The following PLCG2 variants were observed in gnomAD, a reference collection of about 807,000 sequenced individuals.
PLCG2 encodes phospholipase C gamma 2, also known as 1-phosphatidylinositol 4,5-bisphosphate phosphodiesterase gamma-2.
A neutral mutation model predicts 175.6 loss-of-function variants in PLCG2; 69 were observed. The ratio of observed to expected loss-of-function variants is 0.39; its 90% CI spans 0.32 to 0.48. The LOEUF (loss-of-function observed/expected upper bound fraction) is 0.48, where lower values mean the gene tolerates loss of function less well. Ranked by LOEUF, PLCG2 falls within the 20% of genes least tolerant of loss-of-function variation. The pLI is 0.91. For synonymous variants in PLCG2, 827 were observed against 624.0 expected, an observed-to-expected ratio of 1.33 and a Z score of -4.85; for missense variants, 1,798 against 1,650.9, an observed-to-expected ratio of 1.09 and a Z score of -1.54.
At chr16:81,804,096 G>A (rs1456472865) in intron 2 of PLCG2, among the ~76,000 whole-genome samples, 4 of 152,190 alleles carry the variant, frequency 2.6e-5, no homozygotes, top group Non-Finnish European at 5.9e-5. Context: ...TAGGTTATCT[G>A]TAACTGTTTA....
chr16:81,959,365 C>A lies in PLCG2; in HGVS notation c.*1367C>A, dbSNP rs1459973180. 1 of 221,776 alleles carries A rather than the reference C, an allele frequency of 4.5e-6. No homozygotes were observed. The highest frequency in any genetic ancestry group is 1.8e-4 in the South Asian group (1 of 5,428). The allele number at this position is 221,776 out of a possible 1,614,324, so 13.7% of individuals were successfully genotyped here. ...AGGGCAGAACAAATCAGGCTCTGAC[C>A]AGAAGATCCTTCTGGTCCCTTCACT... On this transcript the variant is annotated 3_prime_UTR_variant, in exon 33 of 33. Coordinates refer to ENST00000564138, the MANE Select transcript of PLCG2 (RefSeq NM_002661.5).
intron 2 of PLCG2, among the ~76,000 whole-genome samples, chr16:81,768,552 GT>G (rs769292122): frequency 1.4e-4 from 15 of 105,414 alleles, no homozygotes; most frequent in African/African-American, 6.1e-4. Context: ...GTTATCCTCA[GT>G]TTTTTTTTTT....
rs553020419 is a variant in PLCG2, at chr16:81,773,585, T to C, written c.-47-12358T>C. 6.3e-4 allele frequency among the ~76,000 whole-genome samples: 96 copies of C among 152,298 alleles called. 1 individual carries two copies. The highest frequency in any genetic ancestry group is 2.0e-3 in the African/African-American group (82 of 41,568). ...TTCAACTGGCTGTCTTGATTTTACA[T>C]GAGGTTTGGGGCCTGGCAAATGCCT... On this transcript the variant is annotated intron_variant, in intron 2 of 5. Coordinates refer to the PLCG2 transcript ENST00000565054.
chr16:81,773,564 A>G (rs1379662363), intron 2 of PLCG2, among the ~76,000 whole-genome samples: 1 of 152,060 alleles, frequency 6.6e-6, no homozygotes, highest in Non-Finnish European at 1.5e-5. Context: ...TTGGCTTTCA[A>G]CTGGCTGTCT....
rs112374290 is a variant in PLCG2 at position 81,895,874 on chromosome 16, C to A, written c.1140C>A (p.Ile380=). 6.2e-7 allele frequency: 1 copy of A among 1,614,144 alleles called. No individual in the cohort carries two copies. Among genetic ancestry groups the A allele is most frequent in the Non-Finnish European group, 8.5e-7 (1 of 1,180,002 alleles). The part of the protein sequence containing the change: ...IYHGWTRTTK[I]KFDDVVQAIK... ...ATGGCTGGACGCGGACTACCAAGAT[C>A]AAGTTTGACGACGTCGTGCAGGCCA... The change falls in exon 13 of 33, where the codon ATC becomes ATA. Residue 380 remains isoleucine (I), a synonymous_variant. Transcript: ENST00000564138.
intron 2 of PLCG2, among the ~76,000 whole-genome samples, chr16:81,768,951 C>G (rs952003543): frequency 2.0e-5 from 3 of 152,132 alleles, no homozygotes; most frequent in African/African-American, 7.2e-5. Context: ...CAGCCTGGGA[C>G]TCCTGACAGA....
chr16:81,893,966 T>C (rs1387676100), intron 12 of PLCG2, among the ~76,000 whole-genome samples, 172 bp downstream of exon 12: 2 of 150,252 alleles, frequency 1.3e-5, no homozygotes, highest in African/African-American at 4.9e-5. Flanking sequence ...TCTTTCTTTT[T>C]TTTTTTTTTT....
At chr16:81,805,479 A>G (rs192094401) in intron 2 of PLCG2, among the ~76,000 whole-genome samples, 1 of 149,686 alleles carries the variant, frequency 6.7e-6, no homozygotes, top group Admixed American at 6.6e-5. Context: ...AGCCTGGGTA[A>G]CAGAGCGAGA....
chr16:81,951,863 GA>G (rs1003310034), intron 31 of PLCG2, among the ~76,000 whole-genome samples: 8 of 152,092 alleles, frequency 5.3e-5, no homozygotes, highest in African/African-American at 1.9e-4. Context: ...TATAATTTTA[GA>G]AAAAAGGTCG....
intron 2 of PLCG2, among the ~76,000 whole-genome samples, chr16:81,841,875 G>A (rs191611388): frequency 9.8e-5 from 15 of 152,334 alleles, no homozygotes; most frequent in Admixed American, 8.5e-4. Context: ...GTCCTTGGCT[G>A]AGATCAGTAA....
chr16:81,956,912 G>C, intron 32 of PLCG2, 33 bp downstream of exon 32: 2 of 1,589,430 alleles, frequency 1.3e-6, no homozygotes, highest in South Asian at 2.2e-5. Flanking sequence ...AAAAACTTTT[G>C]GGGGGTCTCT....
intron 14 of PLCG2, among the ~76,000 whole-genome samples, 177 bp downstream of exon 14, chr16:81,900,957 T>A (rs1909125254): frequency 6.6e-6 from 1 of 152,212 alleles, no homozygotes; most frequent in African/African-American, 2.4e-5. Flanking sequence ...CATTAACCTT[T>A]GGGAGCCTCT....
At chr16:81,747,115 T>C (rs1007268210) in intron 1 of PLCG2, among the ~76,000 whole-genome samples, 2 of 152,228 alleles carry the variant, frequency 1.3e-5, no homozygotes, top group Non-Finnish European at 2.9e-5. Context: ...GTTTATCCTC[T>C]ATAAAGAGTA....
At chr16:81,858,411 C>T (rs1291633157) in intron 4 of PLCG2, 55 bp downstream of exon 4, 3 of 1,258,762 alleles carry the variant, frequency 2.4e-6, no homozygotes, top group Admixed American at 1.7e-5. Flanking sequence ...TATTCTGCTG[C>T]CTTTAGCCAA....
intron 2 of PLCG2, among the ~76,000 whole-genome samples, chr16:81,819,274 G>C (rs1282626347): frequency 6.6e-6 from 1 of 152,176 alleles, no homozygotes; most frequent in Non-Finnish European, 1.5e-5. Context: ...GGCAGAGTCA[G>C]GACATCCTGG....
rs1911740854 is a variant in PLCG2, at chr16:81,960,433, T to C, written c.*2435T>C. ...CCACTGCATATGTATTACACTGTTT[T>C]TGTTCACCATTTTCCTAAGTGTGTT... On this transcript the variant is annotated 3_prime_UTR_variant, in exon 33 of 33. Coordinates refer to ENST00000564138, the MANE Select transcript of PLCG2 (RefSeq NM_002661.5). The C allele has an allele frequency of 4.4e-6, 1 of 227,218 alleles. No individual in the cohort carries two copies. Among genetic ancestry groups the C allele is most frequent in the African/African-American group, 2.2e-5 (1 of 45,124 alleles). 14.1% of individuals were successfully genotyped at this position (227,218 alleles called of 1,614,324 possible). A position where few individuals can be genotyped will look rare whatever the true frequency, so the allele number is the denominator to read the frequency against.
intron 31 of PLCG2, among the ~76,000 whole-genome samples, chr16:81,954,778 T>G (rs1392831624): frequency 6.6e-6 from 1 of 152,238 alleles, no homozygotes; most frequent in Non-Finnish European, 1.5e-5. Context: ...TTTGCTGTTG[T>G]ACATGGTGCT....
At position 81,931,491 on chromosome 16, in the gene PLCG2, C is replaced by G. The variant is rs1248824122; in HGVS notation, c.2582-6C>G. On this transcript the variant is annotated splice_polypyrimidine_tract_variant and splice_region_variant and intron_variant, in intron 24 of 32. Transcript: ENST00000564138. ...ATTGGGACATTTCTTATTCTCTTAC[C>G]CCAAGTGAAAGCCCCTCAGGGAAAA... 1 of 1,613,488 alleles carries G rather than the reference C, an allele frequency of 6.2e-7. No homozygotes were observed. The highest frequency in any genetic ancestry group is 8.5e-7 in the Non-Finnish European group (1 of 1,179,628).
chr16:81,846,528 C>T (rs1906128010), intron 2 of PLCG2, among the ~76,000 whole-genome samples: 1 of 152,192 alleles, frequency 6.6e-6, no homozygotes, highest in Non-Finnish European at 1.5e-5. Flanking sequence ...TGCTATATAG[C>T]ATTTATTTTT....
Sources: allele counts gnomAD v4.1 joint callset (sites outside exome capture counted in the v4.1 genomes callset), GRCh38; gene constraint gnomAD v4.1.1; transcripts MANE v1.5; gene names NCBI Gene and HGNC (gene_info 2026-07-23, HGNC 2026-07-21).